Variants in TMED5 observed in about 807,000 individuals in gnomAD.
TMED5 encodes transmembrane p24 trafficking protein 5.
TMED5 carries 27 observed loss-of-function variants against 23.0 expected under a neutral mutation model. The ratio of observed to expected loss-of-function variants is 1.17; its 90% CI spans 0.86 to 1.62. The LOEUF (loss-of-function observed/expected upper bound fraction) is 1.62, where lower values mean the gene tolerates loss of function less well. Ranked by LOEUF, TMED5 falls within the 40% of genes most tolerant of loss-of-function variation. The pLI, the probability that TMED5 is intolerant of heterozygous loss-of-function variation, is 0.00. For synonymous variants in TMED5, 97 were observed against 100.8 expected (o/e 0.96, Z 0.23); for missense variants, 248 against 273.7 (o/e 0.91, Z 0.66).
intron 1 of TMED5, among the ~76,000 whole-genome samples, chr1:93,165,700 C>A (rs1648478647): frequency 6.6e-6 from 1 of 152,112 alleles, no homozygotes; most frequent in Non-Finnish European, 1.5e-5. Context: ...CTTTGTGTTA[C>A]AAATAATCCA....
intron 1 of TMED5, among the ~76,000 whole-genome samples, chr1:93,165,125 A>C (rs1371518169): frequency 1.3e-5 from 2 of 152,192 alleles, no homozygotes; most frequent in African/African-American, 4.8e-5. Context: ...GATCCTTCCC[A>C]ATTGAGCCTA....
At chr1:93,171,177 C>G (rs888161272) in intron 1 of TMED5, among the ~76,000 whole-genome samples, 1 of 151,850 alleles carries the variant, frequency 6.6e-6, no homozygotes, top group Non-Finnish European at 1.5e-5. Flanking sequence ...CCAGGAGGAA[C>G]GAACAACTCC....
intron 2 of TMED5, among the ~76,000 whole-genome samples, chr1:93,159,088 G>A (rs1284566718): frequency 6.6e-6 from 1 of 151,948 alleles, no homozygotes; most frequent in Non-Finnish European, 1.5e-5. Context: ...ATTCATACAT[G>A]TATTCAGTGT....
At chr1:93,179,889 A>AGCCTC (rs1334291683) in intron 1 of TMED5, 165 bp downstream of exon 1, 12 of 643,806 alleles carry the variant, frequency 1.9e-5, no homozygotes, top group Admixed American at 7.6e-5. Flanking sequence ...CCCCAGCGAG[A>AGCCTC]GCCTCGCCTC....
chr1:93,158,801 C>T (rs893880514), intron 2 of TMED5: 49 of 330,678 alleles, frequency 1.5e-4, no homozygotes, highest in Non-Finnish European at 2.1e-4. Context: ...TTCTTGACCT[C>T]GTGATCCACC....
rs899785280 is a variant in TMED5 at position 93,175,357 on chromosome 1, TTTTTG to T, written c.189+4692_189+4696del. Among the ~76,000 whole-genome samples the T allele has an allele frequency of 1.5e-3, 223 of 146,172 alleles. 2 individuals carry two copies. Among genetic ancestry groups the T allele is most frequent in the Non-Finnish European group, 2.2e-3 (150 of 66,692 alleles). ...CACACACACATATATGGCTTTTGAGTTTTTGTTTTTTTATATACATATTTATATAT... is the reference window on the plus strand; with the variant it reads ...CACACACACATATATGGCTTTTGAGTTTTTTTTATATACATATTTATATAT... On this transcript the variant is annotated intron_variant, in intron 1 of 3. Coordinates refer to ENST00000370282, the MANE Select transcript of TMED5 (RefSeq NM_016040.5).
At chr1:93,167,681 A>G (rs1414156463) in intron 1 of TMED5, among the ~76,000 whole-genome samples, 1 of 152,172 alleles carries the variant, frequency 6.6e-6, no homozygotes, top group African/African-American at 2.4e-5. Flanking sequence ...TTCCAAATAT[A>G]AGATATATCA....
In TMED5 at chr1:93,151,920, A is replaced by G. The variant is rs3171; in HGVS notation, c.*2750T>C. 2,407 of 151,392 alleles carry G rather than the reference A, an allele frequency of 0.016. 30 individuals carry two copies. The highest frequency in any genetic ancestry group is 0.024 in the Non-Finnish European group (1,600 of 67,344). The allele number at this position is 151,392 out of a possible 1,614,324, so 9.4% of individuals were successfully genotyped here. On this transcript the variant is annotated 3_prime_UTR_variant, in exon 4 of 4. Transcript: ENST00000370282. ...CGTTGCTTATTTAAGATGGCTGTTTATAAGTATAAAGCAGTTTGAGCAACA... is the reference window on the plus strand; with the variant it reads ...CGTTGCTTATTTAAGATGGCTGTTTGTAAGTATAAAGCAGTTTGAGCAACA...
At chr1:93,168,917 T>C (rs988094302) in intron 1 of TMED5, among the ~76,000 whole-genome samples, 2 of 152,136 alleles carry the variant, frequency 1.3e-5, no homozygotes, top group Non-Finnish European at 2.9e-5. Context: ...CTTATGTGTA[T>C]ACACCTAACA....
chr1:93,160,566 T>G (rs1648233012), intron 1 of TMED5: 2 of 174,036 alleles, frequency 1.1e-5, no homozygotes, highest in South Asian at 2.9e-4. Context: ...TAGTTAAAAC[T>G]TAGGCAATTG....
intron 1 of TMED5, among the ~76,000 whole-genome samples, chr1:93,171,302 C>T (rs1180123683): frequency 6.6e-6 from 1 of 152,198 alleles, no homozygotes. Flanking sequence ...ATCCGAACAT[C>T]AGAAGGAACA....
intron 1 of TMED5, among the ~76,000 whole-genome samples, chr1:93,166,607 GATTA>G (rs1648516801): frequency 8.0e-6 from 1 of 124,648 alleles, no homozygotes; most frequent in South Asian, 3.1e-4. Flanking sequence ...TTTTAAATTA[GATTA>G]GATTTTTTTT....
At chr1:93,162,434 T>TAAAAATAA (rs1648315312) in intron 1 of TMED5, 1 of 151,998 alleles carries the variant, frequency 6.6e-6, no homozygotes, top group African/African-American at 2.4e-5. Flanking sequence ...CCATCTCTAC[T>TAAAAATAA]AAAAATAAAA....
chr1:93,176,508 T>TACACAC (rs34446908), intron 1 of TMED5, among the ~76,000 whole-genome samples: 4,514 of 150,134 alleles, frequency 0.03, 203 homozygotes, highest in African/African-American at 0.1. Context: ...GCACAGACTA[T>TACACAC]ACACACACAC....
At chr1:93,172,573 G>C (rs1346880259) in intron 1 of TMED5, among the ~76,000 whole-genome samples, 1 of 152,160 alleles carries the variant, frequency 6.6e-6, no homozygotes, top group Non-Finnish European at 1.5e-5. Context: ...GGAGGATCCT[G>C]AGCCCAGGAG....
At chr1:93,158,580 T>TG (rs1441142685) in intron 2 of TMED5, among the ~76,000 whole-genome samples, 1 of 150,918 alleles carries the variant, frequency 6.6e-6, no homozygotes, top group Non-Finnish European at 1.5e-5. Context: ...ATTTTTAGTT[T>TG]TGTTTTTTTT....
At chr1:93,176,722 G>T (rs906088585) in intron 1 of TMED5, among the ~76,000 whole-genome samples, 10 of 152,090 alleles carry the variant, frequency 6.6e-5, no homozygotes. Context: ...GTAGAGATGG[G>T]GTCTTGCTAT....
At position 93,154,748 on chromosome 1, in the gene TMED5, C is replaced by T. The variant is rs1175184263; in HGVS notation, c.612G>A (p.Val204=). 1.2e-6 allele frequency: 2 copies of T among 1,614,066 alleles called. No homozygotes were observed. Among genetic ancestry groups the T allele is most frequent in the Non-Finnish European group, 1.7e-6 (2 of 1,179,996 alleles). ...RVNFWSMVNL[V]VMVVVSAIQV... is the part of the protein sequence containing the mutation. ...GAATGGCTGACACCACCACCATGAC[C>T]ACTAAATTAACCATAGACCAGAAAT... The change falls in exon 4 of 4, where the codon GTG becomes GTA. Residue 204 remains valine, a synonymous_variant. Transcript: ENST00000370282.
intron 1 of TMED5, among the ~76,000 whole-genome samples, chr1:93,175,316 T>TATATATACACAC (rs1553160172): frequency 7.7e-6 from 1 of 129,088 alleles, no homozygotes; most frequent in African/African-American, 3.0e-5. Flanking sequence ...TATATATATA[T>TATATATACACAC]ACACACACAC....
Sources: gnomAD v4.1 joint callset for allele counts (sites outside exome capture counted in the v4.1 genomes callset) on GRCh38, gnomAD v4.1.1 for gene constraint, MANE v1.5 for transcripts, NCBI Gene and HGNC (gene_info 2026-07-23, HGNC 2026-07-21) for gene names.